The following TESK2 variants were observed in gnomAD, a reference collection of about 807,000 sequenced individuals.
TESK2 encodes the protein dual specificity testis-specific protein kinase 2.
TESK2 carries 39 observed loss-of-function variants against 57.1 expected under a neutral mutation model. That is an observed-to-expected ratio of 0.68 (90% CI 0.53 to 0.89). The LOEUF (loss-of-function observed/expected upper bound fraction) is 0.89, where lower values mean the gene tolerates loss of function less well. Ranked by LOEUF, TESK2 falls within the 40% of genes least tolerant of loss-of-function variation. The probability of loss-of-function intolerance (pLI) is 0.00; values close to 1 mark genes in which losing one functional copy is unlikely to be tolerated. For synonymous variants in TESK2, 249 were observed against 267.9 expected, an observed-to-expected ratio of 0.93 and a Z score of 0.69; for missense variants, 646 against 732.1, an observed-to-expected ratio of 0.88 and a Z score of 1.36.
chr1:45,376,740 A>G (rs1436800172), intron 4 of TESK2, among the ~76,000 whole-genome samples: 4 of 152,178 alleles, frequency 2.6e-5, no homozygotes, highest in Non-Finnish European at 5.9e-5. Context: ...CATTCCTAGT[A>G]CTGGAAGGGA....
Position 45,392,701 on chromosome 1 carries a change from C to CA in TESK2, c.345-6742dup, listed in dbSNP as rs572673072. 3.3e-3 allele frequency among the ~76,000 whole-genome samples: 451 copies of CA among 137,718 alleles called. 11 individuals carry two copies. The South Asian group carries it at 0.056, about 17-fold the overall frequency. The allele number at this position is 137,718 out of a possible 152,430, so 90.3% of individuals were successfully genotyped here. On this transcript the variant is annotated intron_variant, in intron 3 of 10. Transcript: ENST00000372086. The stretch of plus-strand genomic sequence containing the variant: ...GGGCAACAAGAGTGAAACTCTGTCT[C>CA]AAAAAAAAAAAAAAAATTTATTTTT...
chr1:45,435,511 G>A (rs186373234), intron 2 of TESK2, among the ~76,000 whole-genome samples: 101 of 143,256 alleles, frequency 7.1e-4, no homozygotes, highest in African/African-American at 2.6e-3. Context: ...TGATCCTCCT[G>A]CCTTAGCCTC....
intron 1 of TESK2, among the ~76,000 whole-genome samples, chr1:45,488,604 A>T (rs1286050535): frequency 2.0e-5 from 3 of 152,186 alleles, no homozygotes; most frequent in Non-Finnish European, 4.4e-5. Flanking sequence ...AGTACTCTCC[A>T]CTGTAAAAGA....
intron 4 of TESK2, among the ~76,000 whole-genome samples, chr1:45,379,320 G>C (rs181053727): frequency 6.6e-6 from 1 of 152,120 alleles, no homozygotes; most frequent in Non-Finnish European, 1.5e-5. Context: ...AAACTATCAT[G>C]CCTGGCTAAT....
chr1:45,359,645 CCT>C (rs1647592808), intron 4 of TESK2, among the ~76,000 whole-genome samples: 1 of 151,856 alleles, frequency 6.6e-6, no homozygotes, highest in East Asian at 1.9e-4. Context: ...AGGTGGATCC[CCT>C]GAGGCTAGGA....
At chr1:45,386,783 A>G (rs1046822495) in intron 3 of TESK2, among the ~76,000 whole-genome samples, 3 of 152,032 alleles carry the variant, frequency 2.0e-5, no homozygotes, top group Non-Finnish European at 4.4e-5. Flanking sequence ...CCTCCAGAGT[A>G]GCTGGGACTA....
At chr1:45,414,095 AT>A in intron 3 of TESK2, among the ~76,000 whole-genome samples, 1 of 152,362 alleles carries the variant, frequency 6.6e-6, no homozygotes, top group Non-Finnish European at 1.5e-5. Flanking sequence ...TTTCCATTAC[AT>A]TAATACTCGT....
intron 1 of TESK2, among the ~76,000 whole-genome samples, chr1:45,466,152 A>C (rs1272699569): frequency 6.6e-6 from 1 of 152,032 alleles, no homozygotes; most frequent in Non-Finnish European, 1.5e-5. Context: ...GGCCAGTCTG[A>C]GCAACATGGT....
In TESK2 at chr1:45,462,418, G is replaced by A. The variant is rs569696757; in HGVS notation, c.-86-4547C>T. On this transcript the variant is annotated intron_variant, in intron 1 of 10. Transcript: ENST00000372086. ...CTCCCGAGTAGCTGGGACTACAGGC[G>A]CCTGACACCACACCCGGCTAATTTT... Among the ~76,000 whole-genome samples the A allele has an allele frequency of 3.0e-4, 45 of 152,088 alleles. No homozygotes were observed. The Middle Eastern group carries it at 0.014, about 46-fold the overall frequency.
In TESK2 at chr1:45,346,978, C is replaced by T; in HGVS notation, c.792+1G>A. ...CAATGATCCCCATGCTTGCAGCTCA[C>T]CTCTGTGCGGGGAAGATAGTCCGGA... On this transcript the variant is annotated splice_donor_variant, in intron 8 of 10. Coordinates refer to ENST00000372086, the MANE Select transcript of TESK2 (RefSeq NM_007170.3). LOFTEE classifies it high-confidence loss of function. 6.2e-7 allele frequency: 1 copy of T among 1,614,152 alleles called. No homozygotes were observed. The highest frequency in any genetic ancestry group is 8.5e-7 in the Non-Finnish European group (1 of 1,179,976).
chr1:45,410,605 C>CA lies in TESK2; in HGVS notation c.344+11119dup, dbSNP rs527761206. On this transcript the variant is annotated intron_variant, in intron 3 of 10. Transcript: ENST00000372086. ...GGGCAACAAGAGCGAAACTCCAACT[C>CA]AAAAAAAAAAAATTTTTTTTTAAAA... Among the ~76,000 whole-genome samples, 804 of 138,864 alleles carry CA rather than the reference C, an allele frequency of 5.8e-3. 8 individuals carry two copies. The highest frequency in any genetic ancestry group is 0.02 in the African/African-American group (744 of 37,990). The allele number at this position is 138,864 out of a possible 152,430, so 91.1% of individuals were successfully genotyped here.
rs1300326417 is a variant in TESK2 at position 45,490,988 on chromosome 1, A to AG, written c.-224dup. On this transcript the variant is annotated 5_prime_UTR_variant, in exon 1 of 11. The change abolishes the stop of an existing upstream ORF in the 5' untranslated region. Coordinates refer to ENST00000372086, the MANE Select transcript of TESK2 (RefSeq NM_007170.3). ...GCCTGCGGAGGCGGTGGGAGCCCCT[A>AG]GCGCAGAAGCCGGCGACTCAGCTAG... The AG allele has an allele frequency of 2.6e-5, 4 of 152,228 alleles. No individual in the cohort carries two copies. Among genetic ancestry groups the AG allele is most frequent in the African/African-American group, 9.7e-5 (4 of 41,424 alleles). 9.4% of individuals were successfully genotyped at this position (152,228 alleles called of 1,614,324 possible).
chr1:45,460,194 T>C (rs1652276134), intron 1 of TESK2, among the ~76,000 whole-genome samples: 1 of 151,472 alleles, frequency 6.6e-6, no homozygotes, highest in Non-Finnish European at 1.5e-5. Context: ...ACATACCTCC[T>C]GAATCTAAAA....
intron 1 of TESK2, 146 bp from the exon 2 acceptor site, chr1:45,458,017 T>C (rs1255782780): frequency 2.0e-6 from 1 of 492,230 alleles, no homozygotes; most frequent in Non-Finnish European, 3.7e-6. Context: ...TACCCTCAAA[T>C]AACACTGATA....
intron 3 of TESK2, among the ~76,000 whole-genome samples, chr1:45,401,799 C>A (rs1649602455): frequency 6.6e-6 from 1 of 151,996 alleles, no homozygotes; most frequent in Non-Finnish European, 1.5e-5. Flanking sequence ...GTTTTTGATT[C>A]ATAAAAAAGA....
intron 4 of TESK2, 29 bp downstream of exon 4, chr1:45,385,883 C>CGTTA: frequency 6.4e-7 from 1 of 1,553,480 alleles, no homozygotes; most frequent in Non-Finnish European, 8.8e-7. Flanking sequence ...AAGGCAAATA[C>CGTTA]GTTACTTCAA....
chr1:45,345,286 T>A lies in TESK2; in HGVS notation c.1270A>T (p.Ile424Phe), dbSNP rs765042054. ...GCATCCAGGTCAAATACCAGAGAGATGACAGACTTGCTGGGCAGGTCAAAA... is the reference window on the plus strand; with the variant it reads ...GCATCCAGGTCAAATACCAGAGAGAAGACAGACTTGCTGGGCAGGTCAAAA... ...KFFDLPSKSV[I>F]SLVFDLDAPG... Residue 424 changes from isoleucine (I) to phenylalanine (F), a missense_variant, in exon 11 of 11, where the codon ATC (isoleucine) becomes TTC (phenylalanine). Coordinates refer to ENST00000372086, the MANE Select transcript of TESK2 (RefSeq NM_007170.3). The A allele has an allele frequency of 6.2e-7, 1 of 1,614,134 alleles. No individual in the cohort carries two copies. The highest frequency in any genetic ancestry group is 2.2e-5 in the East Asian group (1 of 44,886).
rs763583068 is a variant in TESK2 at position 45,355,320 on chromosome 1, G to A, written c.523C>T (p.Arg175Trp). 17 of 1,613,840 alleles carry A rather than the reference G, an allele frequency of 1.1e-5. No individual in the cohort carries two copies. The highest frequency in any genetic ancestry group is 1.6e-4 in the Middle Eastern group (1 of 6,082). Reference sequence around the variant, plus strand: ...CTTCATACCTTAGATGTGAGGTCCCGATGAAAAATGCCTTTGAAGTGAAGG... The same window carrying A: ...CTTCATACCTTAGATGTGAGGTCCCAATGAAAAATGCCTTTGAAGTGAAGG... ...SYLHFKGIFH[R>W]DLTSKNCLIK... The change falls in exon 5 of 11, where the codon CGG (arginine) becomes TGG (tryptophan). Residue 175 changes from arginine (R) to tryptophan (W), a missense_variant. Arg to Trp is a moderately radical substitution (Grantham distance 101). Coordinates refer to ENST00000372086, the MANE Select transcript of TESK2 (RefSeq NM_007170.3).
chr1:45,392,365 A>G lies in TESK2; in HGVS notation c.345-6405T>C, dbSNP rs1649181139. 2.0e-5 allele frequency among the ~76,000 whole-genome samples: 3 copies of G among 152,258 alleles called. No homozygotes were observed. The South Asian group carries it at 6.2e-4, about 32-fold the overall frequency. On this transcript the variant is annotated intron_variant, in intron 3 of 10. Coordinates refer to ENST00000372086, the MANE Select transcript of TESK2 (RefSeq NM_007170.3). ...GGTGATCTGCCTGCCTTAGCCTCCC[A>G]AAGTGCTGGGATTACAGGCATAAGC...
Sources: gnomAD v4.1 joint callset for allele counts (sites outside exome capture counted in the v4.1 genomes callset) on GRCh38, gnomAD v4.1.1 for gene constraint, MANE v1.5 for transcripts, NCBI Gene and HGNC (gene_info 2026-07-23, HGNC 2026-07-21) for gene names.